TIAM1: variants seen among roughly 807,000 people sequenced by gnomAD.
TIAM1 encodes the protein TIAM Rac1 associated GEF 1.
Under a neutral mutation model 163.5 loss-of-function variants are expected in TIAM1, and 65 were observed. That is an observed-to-expected ratio of 0.40 (90% CI 0.33 to 0.49). The LOEUF (loss-of-function observed/expected upper bound fraction) is 0.49. Among genes scored for constraint, TIAM1 ranks in the 20% least tolerant of loss-of-function variants. TIAM1 has a pLI of 0.77. For missense variants in TIAM1, 1,789 were observed against 2,044.7 expected, an observed-to-expected ratio of 0.87 and a Z score of 2.41; for synonymous variants, 833 against 810.1, an observed-to-expected ratio of 1.03 and a Z score of -0.48.
At chr21:31,222,774 G>A (rs2146621075) in intron 8 of TIAM1, among the ~76,000 whole-genome samples, 1 of 134,166 alleles carries the variant, frequency 7.5e-6, no homozygotes. Context: ...CTGGAGTGCA[G>A]TGGTGCGACC....
chr21:31,203,157 T>C, intron 11 of TIAM1, 145 bp from the exon 12 acceptor site: 4 of 719,950 alleles, frequency 5.6e-6, no homozygotes, highest in South Asian at 3.7e-5. Flanking sequence ...AGTTTCACTC[T>C]TGTTGCCCAG....
intron 13 of TIAM1, among the ~76,000 whole-genome samples, chr21:31,188,085 T>G (rs1304925930): frequency 2.0e-5 from 3 of 151,990 alleles, no homozygotes; most frequent in African/African-American, 7.3e-5. Context: ...CAGAATTTTG[T>G]AAGATTGGGT....
At chr21:31,501,116 G>A (rs909041713) in intron 1 of TIAM1, among the ~76,000 whole-genome samples, 3 of 151,616 alleles carry the variant, frequency 2.0e-5, no homozygotes, top group African/African-American at 7.3e-5. Context: ...CTCTCATATT[G>A]GACTCGCCAC....
intron 2 of TIAM1, among the ~76,000 whole-genome samples, chr21:31,392,437 G>A (rs1362086897): frequency 6.6e-6 from 1 of 151,982 alleles, no homozygotes. Context: ...GGGCATGGTG[G>A]CAGGCGCCTG....
chr21:31,526,284 C>T (rs1348867994), intron 1 of TIAM1, among the ~76,000 whole-genome samples: 1 of 152,156 alleles, frequency 6.6e-6, no homozygotes, highest in Non-Finnish European at 1.5e-5. Context: ...AGATGGAAGG[C>T]AGCGGGAAGC....
intron 2 of TIAM1, among the ~76,000 whole-genome samples, chr21:31,365,025 G>T (rs909735104): frequency 1.3e-5 from 2 of 152,204 alleles, no homozygotes. Flanking sequence ...TGAATTTCAT[G>T]ATTTTTACAT....
intron 2 of TIAM1, among the ~76,000 whole-genome samples, chr21:31,449,354 A>C (rs962774349): frequency 6.6e-6 from 1 of 151,898 alleles, no homozygotes; most frequent in Non-Finnish European, 1.5e-5. Context: ...AAACAGTCAT[A>C]GTTCTTTTTG....
At chr21:31,182,108 G>C (rs759841918) in intron 15 of TIAM1, among the ~76,000 whole-genome samples, 1 of 151,944 alleles carries the variant, frequency 6.6e-6, no homozygotes, top group African/African-American at 2.4e-5. Context: ...CTGTGCCTCT[G>C]TATCTCTATC....
At chr21:31,312,459 A>T (rs1451051624) in intron 2 of TIAM1, among the ~76,000 whole-genome samples, 1 of 152,184 alleles carries the variant, frequency 6.6e-6, no homozygotes, top group Non-Finnish European at 1.5e-5. Flanking sequence ...AGATCATGGG[A>T]ACATGAGGAA....
chr21:31,405,475 T>G (rs1044937360), intron 2 of TIAM1, among the ~76,000 whole-genome samples: 1 of 152,112 alleles, frequency 6.6e-6, no homozygotes, highest in African/African-American at 2.4e-5. Flanking sequence ...TCCCCTGTAT[T>G]AGTCCACTTT....
At chr21:31,133,407 G>A (rs1314114287) in intron 23 of TIAM1, among the ~76,000 whole-genome samples, 1 of 152,196 alleles carries the variant, frequency 6.6e-6, no homozygotes, top group Non-Finnish European at 1.5e-5. Flanking sequence ...TGAAGCTGGA[G>A]TATGCAGTCT....
At chr21:31,287,621 A>G (rs2073860071) in intron 2 of TIAM1, among the ~76,000 whole-genome samples, 1 of 152,202 alleles carries the variant, frequency 6.6e-6, no homozygotes, top group Non-Finnish European at 1.5e-5. Context: ...ACACAAAGAG[A>G]AGGACAGAAA....
intron 6 of TIAM1, among the ~76,000 whole-genome samples, chr21:31,233,244 C>T (rs1360157241): frequency 6.6e-6 from 1 of 151,840 alleles, no homozygotes; most frequent in Admixed American, 6.6e-5. Flanking sequence ...TAAAGTAGGT[C>T]AAACGCTTTC....
At chr21:31,556,289 CAA>C in intron 1 of TIAM1, among the ~76,000 whole-genome samples, 1 of 152,312 alleles carries the variant, frequency 6.6e-6, no homozygotes, top group Admixed American at 6.5e-5. Flanking sequence ...CGTTCCACAT[CAA>C]CAGCCGAATA....
intron 2 of TIAM1, among the ~76,000 whole-genome samples, chr21:31,410,202 G>A (rs1341094322): frequency 7.0e-6 from 1 of 143,454 alleles, no homozygotes; most frequent in Admixed American, 6.8e-5. Flanking sequence ...AACAGTGATT[G>A]TGAGTGTGTG....
At chr21:31,551,756 A>G (rs959995369) in intron 1 of TIAM1, among the ~76,000 whole-genome samples, 1 of 152,152 alleles carries the variant, frequency 6.6e-6, no homozygotes, top group African/African-American at 2.4e-5. Flanking sequence ...AAAAAGAACC[A>G]TAAGTATAAT....
chr21:31,179,929 G>T, intron 15 of TIAM1, among the ~76,000 whole-genome samples: 1 of 132,908 alleles, frequency 7.5e-6, no homozygotes, highest in African/African-American at 2.9e-5. Context: ...TTTTTGAGAC[G>T]GAATCTTGCT....
intron 1 of TIAM1, chr21:31,558,832 C>G (rs937212165): frequency 2.6e-5 from 4 of 152,164 alleles, no homozygotes; most frequent in Admixed American, 6.5e-5. Context: ...TCAGAACGTG[C>G]CCGGCACGGG....
At chr21:31,173,875 C>T (rs912337772) in intron 15 of TIAM1, among the ~76,000 whole-genome samples, 7 of 152,234 alleles carry the variant, frequency 4.6e-5, no homozygotes, top group East Asian at 3.9e-4. Context: ...TTTTTTCACA[C>T]GCAGGATTTG....
Sources: gnomAD v4.1 joint callset for allele counts (sites outside exome capture counted in the v4.1 genomes callset) on GRCh38, gnomAD v4.1.1 for gene constraint, MANE v1.5 for transcripts, NCBI Gene and HGNC (gene_info 2026-07-23, HGNC 2026-07-21) for gene names.